Variants in KIRREL3 observed in about 807,000 individuals in gnomAD.
The protein encoded by KIRREL3 is kin of IRRE-like protein 3.
Under a neutral mutation model 89.7 loss-of-function variants are expected in KIRREL3, and 36 were observed. The ratio of observed to expected loss-of-function variants is 0.40; its 90% CI spans 0.31 to 0.53. The LOEUF is 0.53. Among genes scored for constraint, KIRREL3 ranks in the 20% least tolerant of loss-of-function variants. The probability of loss-of-function intolerance (pLI) is 0.49; values close to 1 mark genes in which losing one functional copy is unlikely to be tolerated. For synonymous variants in KIRREL3, 445 were observed against 441.4 expected (o/e 1.01, Z -0.10); for missense variants, 864 against 1,056.6 (o/e 0.82, Z 2.53).
At position 126,694,594 on chromosome 11, in the gene KIRREL3, C is replaced by T. The variant is rs1038123715; in HGVS notation, c.56-131682G>A. 6.6e-6 allele frequency among the ~76,000 whole-genome samples: 1 copy of T among 152,100 alleles called. No homozygotes were observed. Among genetic ancestry groups the T allele is most frequent in the African/African-American group, 2.4e-5 (1 of 41,400 alleles). ...GCCTTCACACAAAGAGGAATCTGCT[C>T]TTGTGGATGAATGAATGGCGGTGAC... On this transcript the variant is annotated intron_variant, in intron 1 of 16. Coordinates refer to ENST00000525144, the MANE Select transcript of KIRREL3 (RefSeq NM_032531.4). The surrounding 1 kb of genome is among the most constrained non-coding windows in gnomAD (Gnocchi z 4.4).
intron 1 of KIRREL3, among the ~76,000 whole-genome samples, chr11:126,699,784 CATT>C (rs1947241709): frequency 6.6e-6 from 1 of 152,058 alleles, no homozygotes; most frequent in Admixed American, 6.6e-5. Flanking sequence ...CTAGTATGTG[CATT>C]ATTATTATTA....
At chr11:126,644,722 A>C (rs1229077516) in intron 1 of KIRREL3, among the ~76,000 whole-genome samples, 5 of 152,246 alleles carry the variant, frequency 3.3e-5, no homozygotes, top group Non-Finnish European at 7.3e-5. Flanking sequence ...AGTCTGTGGA[A>C]AACAATATGC....
intron 1 of KIRREL3, among the ~76,000 whole-genome samples, chr11:126,679,745 G>A (rs186648095): frequency 6.6e-6 from 1 of 152,304 alleles, no homozygotes; most frequent in Admixed American, 6.5e-5. Flanking sequence ...AGTCTTATTG[G>A]TGATTGAAAA....
chr11:126,691,527 T>A (rs1013535389), intron 1 of KIRREL3, among the ~76,000 whole-genome samples: 1 of 152,196 alleles, frequency 6.6e-6, no homozygotes, highest in African/African-American at 2.4e-5. Flanking sequence ...GCAAAAAGTC[T>A]CAGAAGAATG....
Position 126,924,330 on chromosome 11 carries a change from A to T in KIRREL3, c.55+76125T>A, listed in dbSNP as rs1947603122. Among the ~76,000 whole-genome samples the T allele has an allele frequency of 6.6e-6, 1 of 152,190 alleles. No homozygotes were observed. The highest frequency in any genetic ancestry group is 1.5e-5 in the Non-Finnish European group (1 of 68,022). On this transcript the variant is annotated intron_variant, in intron 1 of 16. Coordinates refer to ENST00000525144, the MANE Select transcript of KIRREL3 (RefSeq NM_032531.4). This position sits in a 1 kb window ranked among gnomAD's most constrained non-coding sequence, Gnocchi z 4.7. ...TCAAAGCACAAATGAGGTCTGTCTC[A>T]TTCTCTTGCTTACACCCTTCAGAAA... is the stretch of plus-strand genomic sequence containing the variant.
At position 126,977,023 on chromosome 11, in the gene KIRREL3, T is replaced by A. The variant is rs1425174726; in HGVS notation, c.55+23432A>T. The stretch of plus-strand genomic sequence containing the variant: ...TTAAGAAGAAGTTCTCTGTAACTGA[T>A]AAACATCATGCTGCATTTCCCAAGG... On this transcript the variant is annotated intron_variant, in intron 1 of 16. Transcript: ENST00000525144. The surrounding 1 kb of genome is among the most constrained non-coding windows in gnomAD (Gnocchi z 4.7). Among the ~76,000 whole-genome samples, 1 of 152,216 alleles carries A rather than the reference T, an allele frequency of 6.6e-6. No homozygotes were observed. Among genetic ancestry groups the A allele is most frequent in the Non-Finnish European group, 1.5e-5 (1 of 68,026 alleles).
At chr11:126,654,337 G>GT (rs5795513) in intron 1 of KIRREL3, among the ~76,000 whole-genome samples, 3,997 of 139,154 alleles carry the variant, frequency 0.029, 83 homozygotes, top group African/African-American at 0.051. Flanking sequence ...TAAACTGAAA[G>GT]TTTTTTTTTT....
chr11:126,630,257 G>A (rs1260509261), intron 1 of KIRREL3, among the ~76,000 whole-genome samples: 1 of 151,782 alleles, frequency 6.6e-6, no homozygotes, highest in Admixed American at 6.6e-5. Flanking sequence ...TGTGTGGGAT[G>A]AGGTGGGAGT....
chr11:126,500,788 T>G (rs200599109), intron 4 of KIRREL3, among the ~76,000 whole-genome samples: 1 of 151,814 alleles, frequency 6.6e-6, no homozygotes, highest in East Asian at 1.9e-4. Context: ...ATATTTTCAC[T>G]GCATTCTTAT....
chr11:126,868,464 A>G (rs1944996955), intron 1 of KIRREL3, among the ~76,000 whole-genome samples: 1 of 152,084 alleles, frequency 6.6e-6, no homozygotes. Context: ...GGAGAAGGAA[A>G]TTGCCCCTGA....
chr11:126,950,095 C>T (rs139440858), intron 1 of KIRREL3, among the ~76,000 whole-genome samples: 1 of 152,230 alleles, frequency 6.6e-6, no homozygotes, highest in East Asian at 1.9e-4. Flanking sequence ...CAAGGATGGC[C>T]AGGCACAGTG....
chr11:126,868,458 A>G (rs1028766468), intron 1 of KIRREL3, among the ~76,000 whole-genome samples: 3 of 152,002 alleles, frequency 2.0e-5, no homozygotes, highest in African/African-American at 7.3e-5. Flanking sequence ...GGGCTGGGAG[A>G]AGGAAATTGC....
At chr11:126,440,773 C>T in intron 10 of KIRREL3, 1 of 597,888 alleles carries the variant, frequency 1.7e-6, no homozygotes, top group South Asian at 2.0e-5. Context: ...TAAGTCAGAA[C>T]CCCCAGAAGA....
rs1351346737 is a variant in KIRREL3 at position 126,719,019 on chromosome 11, C to T, written c.56-156107G>A. On this transcript the variant is annotated intron_variant, in intron 1 of 16. Coordinates refer to ENST00000525144, the MANE Select transcript of KIRREL3 (RefSeq NM_032531.4). This position sits in a 1 kb window ranked among gnomAD's most constrained non-coding sequence, Gnocchi z 4.7. Reference sequence around the variant, plus strand: ...TACAAATATGCTGTAATATCTCTAACTTTTTTAAAATGGAGAAGCCTTTCT... The same window carrying T: ...TACAAATATGCTGTAATATCTCTAATTTTTTTAAAATGGAGAAGCCTTTCT... 6.6e-6 allele frequency among the ~76,000 whole-genome samples: 1 copy of T among 152,134 alleles called. No individual in the cohort carries two copies. Among genetic ancestry groups the T allele is most frequent in the South Asian group, 2.1e-4 (1 of 4,824 alleles).
rs1184183268 is a variant in KIRREL3, at chr11:126,771,098, A to G, written c.56-208186T>C. 6.6e-6 allele frequency among the ~76,000 whole-genome samples: 1 copy of G among 152,190 alleles called. No homozygotes were observed. Among genetic ancestry groups the G allele is most frequent in the Non-Finnish European group, 1.5e-5 (1 of 68,022 alleles). On this transcript the variant is annotated intron_variant, in intron 1 of 16. Coordinates refer to ENST00000525144, the MANE Select transcript of KIRREL3 (RefSeq NM_032531.4). This position sits in a 1 kb window ranked among gnomAD's most constrained non-coding sequence, Gnocchi z 4.4. ...GTGATCCGCTTGCCTTGGCATCCCA[A>G]AGTCCTGGGATTACAGGCATGAGCC... is the stretch of plus-strand genomic sequence containing the variant.
chr11:126,768,306 T>C lies in KIRREL3; in HGVS notation c.56-205394A>G, dbSNP rs1949911410. Among the ~76,000 whole-genome samples the C allele has an allele frequency of 1.3e-5, 2 of 151,968 alleles. No individual in the cohort carries two copies. The highest frequency in any genetic ancestry group is 4.8e-5 in the African/African-American group (2 of 41,468). ...TCCATCCATCCATCCATCCATCCAA[T>C]CTGTCCATCTGTCCATCCATACTGC... On this transcript the variant is annotated intron_variant, in intron 1 of 16. Transcript: ENST00000525144. The surrounding 1 kb of genome is among the most constrained non-coding windows in gnomAD (Gnocchi z 4.5).
chr11:126,712,073 C>G (rs951967770), intron 1 of KIRREL3, among the ~76,000 whole-genome samples: 3 of 152,254 alleles, frequency 2.0e-5, no homozygotes, highest in Admixed American at 2.0e-4. Flanking sequence ...CAGTGGTCCT[C>G]TTCCGACATG....
intron 1 of KIRREL3, among the ~76,000 whole-genome samples, chr11:126,663,276 C>A (rs1032216429): frequency 2.0e-5 from 3 of 149,810 alleles, no homozygotes; most frequent in Non-Finnish European, 4.4e-5. Context: ...AACTCTGCCT[C>A]CCGGGGTCAA....
chr11:126,856,555 GTATATATATATATATATATATATATA>G (rs36218965), intron 1 of KIRREL3, among the ~76,000 whole-genome samples: 4 of 136,734 alleles, frequency 2.9e-5, no homozygotes, highest in Non-Finnish European at 4.7e-5. Context: ...ATTTTTCTAA[GTATATATATATATATATATATATATA>G]TATATATATA....
Sources: gnomAD v4.1 joint callset for allele counts (sites outside exome capture counted in the v4.1 genomes callset) on GRCh38, gnomAD v4.1.1 for gene constraint, Gnocchi (gnomAD v3.1) non-coding constraint, MANE v1.5 for transcripts, NCBI Gene and HGNC (gene_info 2026-07-23, HGNC 2026-07-21) for gene names.